The following SLC35F1 variants were observed in gnomAD, a reference collection of about 807,000 sequenced individuals.
SLC35F1 encodes chromosome 6 open reading frame 169.
Under a neutral mutation model 48.7 loss-of-function variants are expected in SLC35F1, and 14 were observed. The observed-to-expected ratio is 0.29, with a 90% CI of 0.19 to 0.45. The LOEUF is 0.45. SLC35F1 is among the 20% of genes least tolerant of loss of function. The pLI, the probability that SLC35F1 is intolerant of heterozygous loss-of-function variation, is 1.00. For synonymous variants in SLC35F1, 190 were observed against 202.2 expected, an observed-to-expected ratio of 0.94 and a Z score of 0.51; for missense variants, 404 against 500.0, an observed-to-expected ratio of 0.81 and a Z score of 1.83.
At chr6:117,973,634 T>A (rs1045251006) in intron 1 of SLC35F1, among the ~76,000 whole-genome samples, 11 of 152,230 alleles carry the variant, frequency 7.2e-5, no homozygotes, top group African/African-American at 2.4e-4. Flanking sequence ...GCAGTCATGC[T>A]CATTGCAGCC....
intron 1 of SLC35F1, among the ~76,000 whole-genome samples, chr6:118,141,932 T>C (rs1573713): frequency 0.24 from 36,456 of 152,148 alleles, 4,822 homozygotes; most frequent in East Asian, 0.39. Flanking sequence ...TACTTCATTT[T>C]TTTTCCTTCT....
At chr6:118,287,527 G>A (rs1776065681) in intron 7 of SLC35F1, among the ~76,000 whole-genome samples, 1 of 152,162 alleles carries the variant, frequency 6.6e-6, no homozygotes, top group Non-Finnish European at 1.5e-5. Context: ...TCGAAAATCT[G>A]GTTTCACTGG....
At chr6:118,010,521 G>A (rs951728621) in intron 1 of SLC35F1, among the ~76,000 whole-genome samples, 1 of 152,088 alleles carries the variant, frequency 6.6e-6, no homozygotes, top group African/African-American at 2.4e-5. Context: ...GGTAATTTTT[G>A]ACCCTTTTTA....
intron 1 of SLC35F1, among the ~76,000 whole-genome samples, chr6:118,039,615 AT>A (rs1772181989): frequency 6.6e-6 from 1 of 151,334 alleles, no homozygotes; most frequent in Non-Finnish European, 1.5e-5. Flanking sequence ...TTCATCTACT[AT>A]TAAGTTCATC....
intron 1 of SLC35F1, among the ~76,000 whole-genome samples, chr6:118,008,209 T>C (rs1309355690): frequency 6.6e-6 from 1 of 152,020 alleles, no homozygotes; most frequent in East Asian, 1.9e-4. Context: ...CAAAATATCA[T>C]ATGTGCCCCC....
At chr6:118,121,194 G>A (rs1370538898) in intron 1 of SLC35F1, among the ~76,000 whole-genome samples, 2 of 152,108 alleles carry the variant, frequency 1.3e-5, no homozygotes, top group Admixed American at 6.6e-5. Context: ...TTAGCATGAC[G>A]ATGTTCACTG....
In SLC35F1 at chr6:118,287,998, A is replaced by G. The variant is rs544188232; in HGVS notation, c.1002+2660A>G. On this transcript the variant is annotated intron_variant, in intron 7 of 7. Transcript: ENST00000360388. ...TGTAATGGATATTTTTATTTCATACAGCAATGATTTGGGTTTTTTTTTTTT... is the reference window on the plus strand; with the variant it reads ...TGTAATGGATATTTTTATTTCATACGGCAATGATTTGGGTTTTTTTTTTTT... Among the ~76,000 whole-genome samples, 5 of 139,092 alleles carry G rather than the reference A, an allele frequency of 3.6e-5. No individual in the cohort carries two copies. The South Asian group carries it at 1.2e-3, about 34-fold the overall frequency. The allele number at this position is 139,092 out of a possible 152,430, so 91.2% of individuals were successfully genotyped here.
intron 1 of SLC35F1, among the ~76,000 whole-genome samples, chr6:118,115,920 A>G (rs1259029062): frequency 6.6e-6 from 1 of 152,212 alleles, no homozygotes; most frequent in Admixed American, 6.5e-5. Context: ...TTTGCCTGAA[A>G]AGAAAACATA....
chr6:117,922,089 G>A (rs1379676007), intron 1 of SLC35F1, among the ~76,000 whole-genome samples: 4 of 152,138 alleles, frequency 2.6e-5, no homozygotes, highest in Non-Finnish European at 4.4e-5. Context: ...TGTAAAGGCC[G>A]GAGTCTACAA....
intron 1 of SLC35F1, among the ~76,000 whole-genome samples, chr6:118,109,663 A>AT (rs398048792): frequency 6.6e-6 from 1 of 151,808 alleles, no homozygotes; most frequent in Non-Finnish European, 1.5e-5. Flanking sequence ...GAAAAAAAAA[A>AT]GCAACAGAAA....
chr6:118,227,883 C>G (rs959421517), intron 2 of SLC35F1, among the ~76,000 whole-genome samples: 5 of 152,120 alleles, frequency 3.3e-5, no homozygotes, highest in African/African-American at 1.2e-4. Context: ...AAAATGAGAA[C>G]GAACACAAAG....
chr6:117,948,188 T>C (rs1029592113), intron 1 of SLC35F1, among the ~76,000 whole-genome samples: 13 of 152,192 alleles, frequency 8.5e-5, no homozygotes, highest in Non-Finnish European at 1.9e-4. Context: ...AAATCTTAAC[T>C]GTGTTAAGTA....
chr6:117,932,643 C>T (rs1776116965), intron 1 of SLC35F1, among the ~76,000 whole-genome samples: 1 of 152,182 alleles, frequency 6.6e-6, no homozygotes, highest in African/African-American at 2.4e-5. Flanking sequence ...TAGAAATGTA[C>T]TCTGTAGTGT....
chr6:117,980,397 C>T (rs1389246143), intron 1 of SLC35F1, among the ~76,000 whole-genome samples: 1 of 152,146 alleles, frequency 6.6e-6, no homozygotes, highest in Non-Finnish European at 1.5e-5. Context: ...TGTAGAATTA[C>T]AAGAATTAGG....
chr6:118,302,282 A>G (rs1307363902), intron 7 of SLC35F1, among the ~76,000 whole-genome samples: 1 of 152,174 alleles, frequency 6.6e-6, no homozygotes, highest in East Asian at 1.9e-4. Context: ...CTTATAAAGA[A>G]CAGTCAACTA....
At chr6:118,242,524 G>A (rs1775454207) in intron 3 of SLC35F1, among the ~76,000 whole-genome samples, 1 of 152,134 alleles carries the variant, frequency 6.6e-6, no homozygotes, top group Admixed American at 6.6e-5. Context: ...GATTTATAAG[G>A]ATTTTATTCT....
At chr6:118,026,329 A>G (rs1771942542) in intron 1 of SLC35F1, among the ~76,000 whole-genome samples, 1 of 152,188 alleles carries the variant, frequency 6.6e-6, no homozygotes, top group African/African-American at 2.4e-5. Context: ...CTATGGGAGA[A>G]GTCAGGTGGT....
intron 1 of SLC35F1, among the ~76,000 whole-genome samples, chr6:118,008,506 C>T (rs568934678): frequency 8.7e-4 from 132 of 152,160 alleles, no homozygotes; most frequent in African/African-American, 3.1e-3. Flanking sequence ...TGAGGAAGTT[C>T]GTAATAAAAG....
At chr6:118,015,511 AT>A (rs776071051) in intron 1 of SLC35F1, among the ~76,000 whole-genome samples, 47 of 151,268 alleles carry the variant, frequency 3.1e-4, no homozygotes, top group Non-Finnish European at 6.2e-4. Flanking sequence ...AGTTCTCATC[AT>A]TTAGCTCCCA....
Sources: allele counts gnomAD v4.1 joint callset (sites outside exome capture counted in the v4.1 genomes callset), GRCh38; gene constraint gnomAD v4.1.1; transcripts MANE v1.5; gene names NCBI Gene and HGNC (gene_info 2026-07-23, HGNC 2026-07-21).